LYPLAL1: variants seen among roughly 807,000 people sequenced by gnomAD.
LYPLAL1 encodes the protein lysophospholipase-like protein 1.
A neutral mutation model predicts 19.7 loss-of-function variants in LYPLAL1; 23 were observed. The observed-to-expected ratio is 1.17, with a 90% CI of 0.84 to 1.65. LYPLAL1 has a LOEUF of 1.65. Ranked by LOEUF, LYPLAL1 falls within the 40% of genes most tolerant of loss-of-function variation. The pLI is 0.00. For missense variants in LYPLAL1, 355 were observed against 279.4 expected (o/e 1.27, Z -1.93); for synonymous variants, 119 against 96.3 (o/e 1.24, Z -1.38).
the LYPLAL1 span, among the ~76,000 whole-genome samples, chr1:219,390,235 C>T: frequency 7.2e-5 from 11 of 152,270 alleles, no homozygotes; most frequent in East Asian, 3.9e-4. Context: ...AAACAAGCAG[C>T]CTCAAAGTCT....
chr1:219,362,097 A>G, the LYPLAL1 span, among the ~76,000 whole-genome samples: 1 of 152,122 alleles, frequency 6.6e-6, no homozygotes, highest in Admixed American at 6.6e-5. Flanking sequence ...AGAGGACTCC[A>G]AGAACTTTTA....
At chr1:219,413,142 A>G in the LYPLAL1 span, among the ~76,000 whole-genome samples, 2 of 144,344 alleles carry the variant, frequency 1.4e-5, no homozygotes, top group Non-Finnish European at 1.5e-5. Flanking sequence ...CTTGACAAAG[A>G]AAAAAAAAAT....
chr1:219,276,841 A>G, the LYPLAL1 span, among the ~76,000 whole-genome samples: 1 of 152,300 alleles, frequency 6.6e-6, no homozygotes, highest in Non-Finnish European at 1.5e-5. Flanking sequence ...CTTCTTTATG[A>G]AGAATTACAA....
chr1:219,300,771 G>A, the LYPLAL1 span, among the ~76,000 whole-genome samples: 1 of 151,724 alleles, frequency 6.6e-6, no homozygotes, highest in African/African-American at 2.4e-5. Flanking sequence ...TCCTGACCTC[G>A]GGATCCGCCT....
At chr1:219,274,533 C>G in the LYPLAL1 span, among the ~76,000 whole-genome samples, 2 of 152,038 alleles carry the variant, frequency 1.3e-5, no homozygotes, top group African/African-American at 4.8e-5. Context: ...TTACAGGTGC[C>G]TGCCACCATG....
At chr1:219,193,302 C>A (rs972598136) in intron 3 of LYPLAL1, 51 bp downstream of exon 3, 7 of 1,425,762 alleles carry the variant, frequency 4.9e-6, no homozygotes, top group Non-Finnish European at 5.8e-6. Flanking sequence ...TTGTCTAATT[C>A]TATACATCAA....
the LYPLAL1 span, among the ~76,000 whole-genome samples, chr1:219,390,769 C>A: frequency 1.3e-5 from 2 of 152,108 alleles, no homozygotes; most frequent in South Asian, 4.1e-4. Context: ...GCATTATGCA[C>A]CTTAATAAAT....
the LYPLAL1 span, among the ~76,000 whole-genome samples, chr1:219,434,516 G>T: frequency 6.6e-6 from 1 of 152,182 alleles, no homozygotes; most frequent in Non-Finnish European, 1.5e-5. Context: ...TTTCTTAGGT[G>T]CAAGAACAGC....
the LYPLAL1 span, among the ~76,000 whole-genome samples, chr1:219,359,900 CCGGT>C: frequency 5.3e-5 from 8 of 152,154 alleles, no homozygotes; most frequent in Admixed American, 3.3e-4. Context: ...GGCATGACAT[CCGGT>C]TATATAATGC....
chr1:219,269,521 A>G, the LYPLAL1 span, among the ~76,000 whole-genome samples: 81 of 152,346 alleles, frequency 5.3e-4, no homozygotes, highest in Non-Finnish European at 7.9e-4. Flanking sequence ...AATCTGATTA[A>G]TATTCTATCA....
intron 2 of LYPLAL1, among the ~76,000 whole-genome samples, chr1:219,188,175 A>T (rs916173827): frequency 6.6e-6 from 1 of 151,840 alleles, no homozygotes; most frequent in African/African-American, 2.4e-5. Flanking sequence ...CTGGGTATGT[A>T]TCTGTGGAAA....
intron 3 of LYPLAL1, among the ~76,000 whole-genome samples, chr1:219,195,828 C>T (rs1187345019): frequency 1.3e-5 from 2 of 152,078 alleles, no homozygotes; most frequent in Non-Finnish European, 2.9e-5. Context: ...AGCTGTTTAT[C>T]CTGATGCTCT....
the LYPLAL1 span, among the ~76,000 whole-genome samples, chr1:219,251,649 G>A: frequency 6.6e-3 from 999 of 151,994 alleles, 11 homozygotes; most frequent in African/African-American, 0.023. Context: ...GCCTCTTTTT[G>A]TATCAGTACC....
chr1:219,360,287 GT>G, the LYPLAL1 span, among the ~76,000 whole-genome samples: 1 of 152,118 alleles, frequency 6.6e-6, no homozygotes, highest in South Asian at 2.1e-4. Flanking sequence ...GAACTTCTTG[GT>G]GATAAATTTT....
the LYPLAL1 span, among the ~76,000 whole-genome samples, chr1:219,368,792 C>T: frequency 2.6e-5 from 4 of 152,114 alleles, no homozygotes; most frequent in African/African-American, 9.7e-5. Context: ...CTTGATTTTA[C>T]TATGTACAAT....
At chr1:219,433,347 C>A in the LYPLAL1 span, among the ~76,000 whole-genome samples, 3,235 of 152,220 alleles carry the variant, frequency 0.021, 113 homozygotes, top group African/African-American at 0.073. Flanking sequence ...AAGTATACAT[C>A]TTTGTTCAGG....
intron 2 of LYPLAL1, among the ~76,000 whole-genome samples, chr1:219,189,416 A>G (rs1656972442): frequency 6.6e-6 from 1 of 151,658 alleles, no homozygotes; most frequent in Non-Finnish European, 1.5e-5. Context: ...TTGTCTGACA[A>G]TGACTATTTG....
At chr1:219,229,577 G>A in the LYPLAL1 span, among the ~76,000 whole-genome samples, 1 of 152,208 alleles carries the variant, frequency 6.6e-6, no homozygotes, top group Non-Finnish European at 1.5e-5. Flanking sequence ...TAGCGACAAG[G>A]TACAGGGTCC....
chr1:219,233,009 C>T, the LYPLAL1 span, among the ~76,000 whole-genome samples: 1 of 152,096 alleles, frequency 6.6e-6, no homozygotes, highest in African/African-American at 2.4e-5. Context: ...ATAGAATTAC[C>T]TTATGATCCA....
Sources: allele counts gnomAD v4.1 joint callset (sites outside exome capture counted in the v4.1 genomes callset), GRCh38; gene constraint gnomAD v4.1.1; transcripts MANE v1.5; gene names NCBI Gene and HGNC (gene_info 2026-07-23, HGNC 2026-07-21).